LIPI: variants seen among roughly 807,000 people sequenced by gnomAD.
The protein encoded by LIPI is lipase member I.
Under a neutral mutation model 50.6 loss-of-function variants are expected in LIPI, and 59 were observed. That is an observed-to-expected ratio of 1.16 (90% CI 0.94 to 1.45). LIPI has a LOEUF of 1.45. LIPI is among the 40% of genes most tolerant of loss of function. LIPI has a pLI of 0.00. For missense variants in LIPI, 586 were observed against 536.3 expected (o/e 1.09, Z -0.92); for synonymous variants, 203 against 178.2 (o/e 1.14, Z -1.11).
rs1238128498 is a variant in LIPI at position 14,110,089 on chromosome 21, TACA to T, written c.1296-1012_1296-1010del. On this transcript the variant is annotated intron_variant, in intron 9 of 9. Coordinates refer to ENST00000681601, the MANE Select transcript of LIPI (RefSeq NM_001302998.2). ...CACACATTACCAAAAATGAACACAT[TACA>T]TTGATAAAGTATAAGATTGATCTAA... Among the ~76,000 whole-genome samples, 136 of 124,608 alleles carry T rather than the reference TACA, an allele frequency of 1.1e-3. 1 individual carries two copies. Among genetic ancestry groups the T allele is most frequent in the Admixed American group, 9.8e-3 (116 of 11,880 alleles). 81.7% of individuals were successfully genotyped at this position (124,608 alleles called of 152,430 possible).
At chr21:14,178,340 C>G (rs190637199) in intron 4 of LIPI, among the ~76,000 whole-genome samples, 1 of 152,038 alleles carries the variant, frequency 6.6e-6, no homozygotes. Context: ...TTTACCATGT[C>G]ATTGCCTATC....
In LIPI at chr21:14,189,302, C is replaced by T. The variant is rs11909217; in HGVS notation, c.164G>A (p.Cys55Tyr). 5,686 of 1,613,860 alleles carry T rather than the reference C, an allele frequency of 3.5e-3. 37 individuals carry two copies. The highest frequency in any genetic ancestry group is 0.02 in the African/African-American group (1,487 of 75,030). ...ATTTTGTTCAAACAGTGGCTCAGCA[C>T]AGTTTAGGTTGTTCCTTGTATACAT... is the stretch of plus-strand genomic sequence containing the variant. ...LMMYTRNNLN[C>Y]AEPLFEQNNS... The change falls in exon 2 of 10, where the codon TGT becomes TAT. Residue 55 changes from cysteine (C) to tyrosine (Y), a missense_variant. Coordinates refer to ENST00000681601, the MANE Select transcript of LIPI (RefSeq NM_001302998.2).
chr21:14,120,471 G>A (rs2123334288), intron 9 of LIPI, among the ~76,000 whole-genome samples: 3 of 152,296 alleles, frequency 2.0e-5, no homozygotes, highest in Admixed American at 2.0e-4. Flanking sequence ...GAACAAAAAG[G>A]AAATAGGGCA....
intron 1 of LIPI, among the ~76,000 whole-genome samples, chr21:14,197,156 A>C (rs747137146): frequency 6.6e-6 from 1 of 151,692 alleles, no homozygotes; most frequent in Non-Finnish European, 1.5e-5. Flanking sequence ...AATAATTTAT[A>C]CTATTTTAAA....
chr21:14,183,237 T>G (rs2019336335), intron 3 of LIPI, among the ~76,000 whole-genome samples: 1 of 152,170 alleles, frequency 6.6e-6, no homozygotes, highest in Admixed American at 6.5e-5. Context: ...GGATTCCCTA[T>G]TTAATAAATG....
chr21:14,144,634 T>C lies in LIPI; in HGVS notation c.1284A>G (p.Thr428=), dbSNP rs1306870340. The C allele has an allele frequency of 1.3e-6, 2 of 1,530,196 alleles. No individual in the cohort carries two copies. The highest frequency in any genetic ancestry group is 4.5e-5 in the East Asian group (2 of 44,300). 94.8% of individuals were successfully genotyped at this position (1,530,196 alleles called of 1,614,324 possible). The change falls in exon 9 of 10, where the codon ACA becomes ACG. Residue 428 remains threonine, a synonymous_variant. Coordinates refer to ENST00000681601, the MANE Select transcript of LIPI (RefSeq NM_001302998.2). The stretch of plus-strand genomic sequence containing the variant: ...TTTAATTTTCTTACCTTTCTGGGTA[T>C]GTAAGTGATTTTAACATGAGACTCT... The part of the protein sequence containing the change: ...KIQSLMLKSL[T]YPERPPLCRY...
chr21:14,118,905 C>A (rs1472804950), intron 9 of LIPI, among the ~76,000 whole-genome samples: 3 of 152,146 alleles, frequency 2.0e-5, no homozygotes, highest in Non-Finnish European at 4.4e-5. Context: ...TCATGGAATG[C>A]TCCCCTATTG....
chr21:14,176,000 A>G lies in LIPI; in HGVS notation c.643+5758T>C, dbSNP rs2019081404. On this transcript the variant is annotated intron_variant, in intron 4 of 9. Coordinates refer to ENST00000681601, the MANE Select transcript of LIPI (RefSeq NM_001302998.2). ...CAGACCGTCCTGGCTAACACGGTGA[A>G]ACCCCGTCTCTACTAAAAATACAAA... 3.3e-5 allele frequency among the ~76,000 whole-genome samples: 5 copies of G among 152,026 alleles called. No individual in the cohort carries two copies. The South Asian group carries it at 1.0e-3, about 32-fold the overall frequency.
intron 4 of LIPI, among the ~76,000 whole-genome samples, chr21:14,170,439 G>A (rs2123187817): frequency 6.6e-6 from 1 of 152,236 alleles, no homozygotes; most frequent in East Asian, 1.9e-4. Context: ...CAATATCCTT[G>A]ATGAACATTG....
In LIPI at chr21:14,165,400, TA is replaced by T. The variant is rs752203308; in HGVS notation, c.734-11del. The T allele has an allele frequency of 1.5e-3, 2,167 of 1,465,446 alleles. 1 individual carries two copies. The highest frequency in any genetic ancestry group is 1.9e-3 in the African/African-American group (130 of 69,812). The allele number at this position is 1,465,446 out of a possible 1,614,324, so 90.8% of individuals were successfully genotyped here. On this transcript the variant is annotated splice_polypyrimidine_tract_variant and intron_variant, in intron 5 of 9. Coordinates refer to ENST00000681601, the MANE Select transcript of LIPI (RefSeq NM_001302998.2). ...TTAATGAATTGAATTCCTTAAGGGT[TA>T]AAAAAAAAACAAAGAACTGTAGATG...
At chr21:14,147,528 A>G (rs1600861991) in intron 8 of LIPI, among the ~76,000 whole-genome samples, 1 of 152,230 alleles carries the variant, frequency 6.6e-6, no homozygotes, top group East Asian at 1.9e-4. Context: ...TATTTTTATT[A>G]TTAATTTAAA....
At chr21:14,163,265 G>A (rs1220086259) in intron 7 of LIPI, among the ~76,000 whole-genome samples, 154 bp downstream of exon 7, 1 of 151,878 alleles carries the variant, frequency 6.6e-6, no homozygotes, top group African/African-American at 2.4e-5. Context: ...CAAGTCCTTA[G>A]TTGAATTTGT....
At chr21:14,117,572 A>G (rs1336716760) in intron 9 of LIPI, among the ~76,000 whole-genome samples, 1 of 152,154 alleles carries the variant, frequency 6.6e-6, no homozygotes, top group Admixed American at 6.5e-5. Context: ...GGAGGGAAAA[A>G]GGCAACAAAC....
chr21:14,163,775 C>G (rs2018578602), intron 6 of LIPI, among the ~76,000 whole-genome samples: 1 of 151,954 alleles, frequency 6.6e-6, no homozygotes, highest in Admixed American at 6.6e-5. Flanking sequence ...CATACTCCAT[C>G]CGTATGGCTA....
intron 9 of LIPI, among the ~76,000 whole-genome samples, chr21:14,130,326 C>A (rs2017242481): frequency 6.6e-6 from 1 of 151,990 alleles, no homozygotes; most frequent in Non-Finnish European, 1.5e-5. Context: ...GGCAACAGTG[C>A]AAGACTCTGT....
chr21:14,129,801 T>TTC (rs1011237457), intron 9 of LIPI, among the ~76,000 whole-genome samples: 1 of 140,738 alleles, frequency 7.1e-6, no homozygotes, highest in African/African-American at 2.7e-5. Flanking sequence ...TCTAATTGTT[T>TTC]TTTTTTTTAA....
At chr21:14,150,351 T>C (rs559030414) in intron 8 of LIPI, among the ~76,000 whole-genome samples, 1 of 152,328 alleles carries the variant, frequency 6.6e-6, no homozygotes, top group African/African-American at 2.4e-5. Context: ...ATACATGCTT[T>C]CTGTTCCCTG....
intron 6 of LIPI, among the ~76,000 whole-genome samples, chr21:14,163,756 A>C (rs1355702252): frequency 6.6e-6 from 1 of 152,016 alleles, no homozygotes; most frequent in Non-Finnish European, 1.5e-5. Context: ...AAATCTTATC[A>C]GAGCTTAGCA....
At position 14,140,254 on chromosome 21, in the gene LIPI, C is replaced by A. The variant is rs746470643; in HGVS notation, c.1295+4369G>T. ...TCTGGATATTTTCAGAAGGTAGGAA[C>A]AAAGAGATTTCATGATTGGATGATG... On this transcript the variant is annotated intron_variant, in intron 9 of 9. Coordinates refer to ENST00000681601, the MANE Select transcript of LIPI (RefSeq NM_001302998.2). Among the ~76,000 whole-genome samples, 82 of 151,986 alleles carry A rather than the reference C, an allele frequency of 5.4e-4. 1 individual carries two copies. The highest frequency in any genetic ancestry group is 8.5e-4 in the Non-Finnish European group (58 of 67,952).
Sources: gnomAD v4.1 joint callset for allele counts (sites outside exome capture counted in the v4.1 genomes callset) on GRCh38, gnomAD v4.1.1 for gene constraint, MANE v1.5 for transcripts, NCBI Gene and HGNC (gene_info 2026-07-23, HGNC 2026-07-21) for gene names.